RXFP1: variants seen among roughly 807,000 people sequenced by gnomAD.
RXFP1 encodes relaxin receptor 1.
In RXFP1, 73 loss-of-function variants were observed where a neutral mutation model predicts 89.8. The observed-to-expected ratio is 0.81, with a 90% CI of 0.67 to 0.99. RXFP1 has a LOEUF of 0.99. RXFP1 is among the 50% of genes least tolerant of loss of function. The pLI, the probability that RXFP1 is intolerant of heterozygous loss-of-function variation, is 0.00. For missense variants in RXFP1, 793 were observed against 895.5 expected (o/e 0.89, Z 1.46); for synonymous variants, 277 against 305.5 (o/e 0.91, Z 0.97).
chr4:158,622,942 A>G (rs149463197), intron 9 of RXFP1, among the ~76,000 whole-genome samples: 36 of 152,358 alleles, frequency 2.4e-4, no homozygotes, highest in African/African-American at 7.9e-4. Context: ...TGTACTGTAT[A>G]TCGAAACAGG....
intron 6 of RXFP1, among the ~76,000 whole-genome samples, chr4:158,611,744 A>G (rs1057234737): frequency 2.1e-4 from 32 of 152,154 alleles, no homozygotes; most frequent in Non-Finnish European, 2.2e-4. Context: ...CTCCTCTGCA[A>G]TGGCAGAGCA....
intron 1 of RXFP1, among the ~76,000 whole-genome samples, chr4:158,542,651 A>C (rs914260852): frequency 6.6e-6 from 1 of 152,128 alleles, no homozygotes; most frequent in African/African-American, 2.4e-5. Context: ...ACATTTATCT[A>C]TCCTGACTAA....
At chr4:158,596,296 T>A (rs1287302115) in intron 3 of RXFP1, among the ~76,000 whole-genome samples, 48 of 146,530 alleles carry the variant, frequency 3.3e-4, no homozygotes, top group Non-Finnish European at 3.7e-4. Context: ...GGAATTTCAC[T>A]CTTGTTGCCC....
chr4:158,585,744 T>G (rs1480490309), intron 2 of RXFP1, among the ~76,000 whole-genome samples: 1 of 152,144 alleles, frequency 6.6e-6, no homozygotes. Context: ...AAAAAAGATT[T>G]TCTACTATAC....
Position 158,521,898 on chromosome 4 carries a change from C to A in RXFP1, c.-79C>A. The A allele has an allele frequency of 1.2e-6, 1 of 852,480 alleles. No individual in the cohort carries two copies. Among genetic ancestry groups the A allele is most frequent in the African/African-American group, 1.7e-5 (1 of 58,772 alleles). The allele number at this position is 852,480 out of a possible 1,614,324, so 52.8% of individuals were successfully genotyped here. On this transcript the variant is annotated 5_prime_UTR_variant, in exon 1 of 18. Transcript: ENST00000307765. ...ATTGCAGACAGAAATAGCACACAAC[C>A]ACTGTGAGCTGTATGCGATTCAGAA... is the stretch of plus-strand genomic sequence containing the variant.
At chr4:158,587,801 T>C (rs145729016) in intron 2 of RXFP1, among the ~76,000 whole-genome samples, 12 of 152,272 alleles carry the variant, frequency 7.9e-5, no homozygotes, top group African/African-American at 2.2e-4. Flanking sequence ...TAAGTGGAGA[T>C]GATGATAATG....
At chr4:158,608,731 T>C (rs1417002566) in intron 6 of RXFP1, among the ~76,000 whole-genome samples, 1 of 152,190 alleles carries the variant, frequency 6.6e-6, no homozygotes, top group Non-Finnish European at 1.5e-5. Context: ...CAAAACTTTT[T>C]CATCTTCCCC....
At chr4:158,551,515 A>G (rs545898501) in intron 1 of RXFP1, among the ~76,000 whole-genome samples, 1 of 149,100 alleles carries the variant, frequency 6.7e-6, no homozygotes, top group South Asian at 2.1e-4. Context: ...TCACCACAAA[A>G]AAATGCTAGC....
intron 9 of RXFP1, among the ~76,000 whole-genome samples, chr4:158,626,286 T>A (rs552421873): frequency 6.6e-6 from 1 of 152,144 alleles, no homozygotes; most frequent in Non-Finnish European, 1.5e-5. Flanking sequence ...AAAAAGCAAA[T>A]AAGGGTATTC....
At chr4:158,643,849 C>T (rs1198522259) in intron 14 of RXFP1, among the ~76,000 whole-genome samples, 1 of 152,078 alleles carries the variant, frequency 6.6e-6, no homozygotes, top group African/African-American at 2.4e-5. Context: ...TACTAATTTA[C>T]ATTCCCGCCA....
chr4:158,573,956 T>C (rs1755693483), intron 2 of RXFP1, among the ~76,000 whole-genome samples: 1 of 152,186 alleles, frequency 6.6e-6, no homozygotes, highest in South Asian at 2.1e-4. Flanking sequence ...ACAAACAATA[T>C]GTAAATACAA....
intron 9 of RXFP1, among the ~76,000 whole-genome samples, chr4:158,621,879 G>A (rs564212944): frequency 5.9e-5 from 9 of 152,354 alleles, no homozygotes; most frequent in East Asian, 1.9e-4. Context: ...CCTCACACCT[G>A]TTAGAATCTC....
chr4:158,617,177 T>C lies in RXFP1; in HGVS notation c.727T>C (p.Cys243Arg). The part of the protein sequence containing the change: ...VLTRLPDKPL[C>R]QHMPRLHWLD... Reference sequence around the variant, plus strand: ...CACCCGTTTACCTGATAAACCTCTCTGTCAACACATGCCAAGACTACATTG... The same window carrying C: ...CACCCGTTTACCTGATAAACCTCTCCGTCAACACATGCCAAGACTACATTG... Residue 243 changes from cysteine (C) to arginine (R), a missense_variant, in exon 9 of 18, where the codon TGT becomes CGT. Coordinates refer to ENST00000307765, the MANE Select transcript of RXFP1 (RefSeq NM_021634.4). 6.2e-7 allele frequency: 1 copy of C among 1,611,364 alleles called. No individual in the cohort carries two copies. Among genetic ancestry groups the C allele is most frequent in the Non-Finnish European group, 8.5e-7 (1 of 1,178,576 alleles).
At chr4:158,525,806 T>G (rs1435901221) in intron 1 of RXFP1, among the ~76,000 whole-genome samples, 1 of 152,196 alleles carries the variant, frequency 6.6e-6, no homozygotes, top group African/African-American at 2.4e-5. Flanking sequence ...ATGAGAAATA[T>G]TTGGTAGCAT....
In RXFP1 at chr4:158,605,091, G is replaced by GA. The variant is rs1477442466; in HGVS notation, c.419dup (p.Leu141AlafsTer4). 1 of 1,589,794 alleles carries GA rather than the reference G, an allele frequency of 6.3e-7. No individual in the cohort carries two copies. The highest frequency in any genetic ancestry group is 1.7e-5 in the Admixed American group (1 of 59,244). On this transcript the variant is annotated frameshift_variant, in exon 5 of 18. Transcript: ENST00000307765. LOFTEE classifies it high-confidence loss of function. The stretch of plus-strand genomic sequence containing the variant: ...AGGTCACTTCAGTGGAACTTAATAA[G>GA]AAAGCTTCCTCCTGATTGCTTCAAG...
intron 1 of RXFP1, among the ~76,000 whole-genome samples, chr4:158,542,710 T>C (rs1747117130): frequency 6.6e-6 from 1 of 152,196 alleles, no homozygotes; most frequent in African/African-American, 2.4e-5. Context: ...ACACCTTGCC[T>C]TCACCTTTTG....
chr4:158,643,299 A>T (rs1770748965), intron 14 of RXFP1, among the ~76,000 whole-genome samples: 1 of 152,004 alleles, frequency 6.6e-6, no homozygotes, highest in South Asian at 2.1e-4. Flanking sequence ...CTTTTTATTA[A>T]AAGAGAAAGC....
chr4:158,581,918 G>A (rs1284513429), intron 2 of RXFP1, among the ~76,000 whole-genome samples: 1 of 152,212 alleles, frequency 6.6e-6, no homozygotes, highest in Admixed American at 6.5e-5. Flanking sequence ...ATGGCAGAAG[G>A]CAGAGGGGAG....
At chr4:158,543,897 A>C in intron 1 of RXFP1, 1 of 985,412 alleles carries the variant, frequency 1.0e-6, no homozygotes, top group Non-Finnish European at 1.2e-6. Flanking sequence ...CACATTCAAG[A>C]ATAAAGCAAA....
Sources: gnomAD v4.1 joint callset for allele counts (sites outside exome capture counted in the v4.1 genomes callset) on GRCh38, gnomAD v4.1.1 for gene constraint, MANE v1.5 for transcripts, NCBI Gene and HGNC (gene_info 2026-07-23, HGNC 2026-07-21) for gene names.